The following ZC3H12C variants were observed in gnomAD, a reference collection of about 807,000 sequenced individuals.
ZC3H12C encodes zinc finger CCCH-type containing 12C, also known as probable ribonuclease ZC3H12C.
A neutral mutation model predicts 76.3 loss-of-function variants in ZC3H12C; 20 were observed. The observed-to-expected ratio is 0.26, with a 90% confidence interval of 0.18 to 0.38. The LOEUF (loss-of-function observed/expected upper bound fraction) is 0.38, where lower values mean the gene tolerates loss of function less well. ZC3H12C is among the 10% of genes least tolerant of loss of function. The probability of loss-of-function intolerance (pLI) is 1.00; values close to 1 mark genes in which losing one functional copy is unlikely to be tolerated. For missense variants in ZC3H12C, 874 were observed against 1,086.5 expected (o/e 0.80, Z 2.75); for synonymous variants, 352 against 399.6 (o/e 0.88, Z 1.42).
chr11:110,125,656 G>C (rs1160824559), intron 1 of ZC3H12C, among the ~76,000 whole-genome samples: 1 of 152,090 alleles, frequency 6.6e-6, no homozygotes, highest in Non-Finnish European at 1.5e-5. Context: ...CTGGGTGTCT[G>C]ATGTTCTGTC....
chr11:110,118,664 G>A (rs901996068), intron 1 of ZC3H12C, among the ~76,000 whole-genome samples: 10 of 152,090 alleles, frequency 6.6e-5, no homozygotes, highest in Non-Finnish European at 1.5e-4. Flanking sequence ...GGGCATGGTA[G>A]CACATACCTG....
rs540582337 is a variant in ZC3H12C, at chr11:110,119,733, T to C, written c.22-16930T>C. Among the ~76,000 whole-genome samples the C allele has an allele frequency of 7.9e-5, 12 of 152,324 alleles. No homozygotes were observed. In the South Asian group the frequency reaches 2.5e-3, roughly 32 times the overall value. ...AGGTGCTGGCAGCTTCGATGTCTGG[T>C]GAAGTCCTCTTCCTCATCAGTGGGG... On this transcript the variant is annotated intron_variant, in intron 1 of 5. Transcript: ENST00000278590.
At chr11:110,128,237 G>T (rs1174837060) in intron 1 of ZC3H12C, among the ~76,000 whole-genome samples, 1 of 151,998 alleles carries the variant, frequency 6.6e-6, no homozygotes, top group African/African-American at 2.4e-5. Flanking sequence ...GTGGACTAGG[G>T]CCATGTGACT....
chr11:110,131,532 A>C (rs1178134583), intron 1 of ZC3H12C: 1 of 181,256 alleles, frequency 5.5e-6, no homozygotes, highest in Admixed American at 6.0e-5. Flanking sequence ...TTAAAAGTCT[A>C]GCTTGGGGAG....
chr11:110,110,474 C>G (rs1233270639), intron 1 of ZC3H12C, among the ~76,000 whole-genome samples: 1 of 152,132 alleles, frequency 6.6e-6, no homozygotes, highest in Non-Finnish European at 1.5e-5. Flanking sequence ...TCCACCCTCA[C>G]ACTCAAGATT....
At chr11:110,131,392 T>C in intron 1 of ZC3H12C, 1 of 370,668 alleles carries the variant, frequency 2.7e-6, no homozygotes, top group Non-Finnish European at 4.8e-6. Context: ...CAAGTTATAA[T>C]AAATGTTCCG....
At chr11:110,131,228 C>A in intron 1 of ZC3H12C, 3 of 763,086 alleles carry the variant, frequency 3.9e-6, no homozygotes, top group Non-Finnish European at 6.4e-6. Context: ...TACATAGTGC[C>A]AACATACCAG....
In ZC3H12C at chr11:110,164,207, A is replaced by G; in HGVS notation, c.1256-134A>G. The G allele has an allele frequency of 1.3e-6, 1 of 788,540 alleles. No homozygotes were observed. Among genetic ancestry groups the G allele is most frequent in the East Asian group, 2.7e-5 (1 of 36,738 alleles). 48.8% of individuals were successfully genotyped at this position (788,540 alleles called of 1,614,324 possible). ...CTGAGAAGTGACGTTTCTCAAGAGT[A>G]AAGAACAGAGTGACACTTAGCACAG... On this transcript the variant is annotated intron_variant, in intron 5 of 5. Coordinates refer to ENST00000278590, the MANE Select transcript of ZC3H12C (RefSeq NM_033390.2). The surrounding 1 kb of genome is among the most constrained non-coding windows in gnomAD (Gnocchi z 5.7).
chr11:110,108,041 G>A (rs1394946928), intron 1 of ZC3H12C, among the ~76,000 whole-genome samples: 12 of 151,996 alleles, frequency 7.9e-5, no homozygotes, highest in African/African-American at 2.4e-4. Context: ...TCAACTTCCC[G>A]GGCTCAAGCT....
intron 3 of ZC3H12C, among the ~76,000 whole-genome samples, chr11:110,158,946 G>T (rs1467172176): frequency 1.3e-5 from 2 of 152,214 alleles, no homozygotes; most frequent in Admixed American, 1.3e-4. Flanking sequence ...GTCCATAGTG[G>T]TCGTGTGATG....
In ZC3H12C at chr11:110,164,330, A is replaced by G. The variant is rs1016787966; in HGVS notation, c.1256-11A>G. 1.3e-6 allele frequency: 2 copies of G among 1,581,012 alleles called. No individual in the cohort carries two copies. Among genetic ancestry groups the G allele is most frequent in the Admixed American group, 1.8e-5 (1 of 54,934 alleles). On this transcript the variant is annotated splice_polypyrimidine_tract_variant and intron_variant, in intron 5 of 5. Coordinates refer to ENST00000278590, the MANE Select transcript of ZC3H12C (RefSeq NM_033390.2). This position sits in a 1 kb window ranked among gnomAD's most constrained non-coding sequence, Gnocchi z 5.7. Reference sequence around the variant, plus strand: ...TATGCTCCTTTGCCTAATTAATTTTACTCTTCTTAGGAAAGAAGTGTACCT... The same window carrying G: ...TATGCTCCTTTGCCTAATTAATTTTGCTCTTCTTAGGAAAGAAGTGTACCT...
intron 1 of ZC3H12C, chr11:110,130,870 CT>C: frequency 1.6e-6 from 1 of 633,404 alleles, no homozygotes; most frequent in Non-Finnish European, 2.7e-6. Context: ...ACCTACGAAC[CT>C]GACGCAGGGT....
chr11:110,142,038 G>A (rs1290705028), intron 2 of ZC3H12C, among the ~76,000 whole-genome samples: 1 of 152,138 alleles, frequency 6.6e-6, no homozygotes, highest in East Asian at 1.9e-4. Context: ...CTCTAGGTGA[G>A]TGTCACAGGT....
intron 1 of ZC3H12C, among the ~76,000 whole-genome samples, chr11:110,116,324 G>C (rs961567786): frequency 8.5e-5 from 13 of 152,228 alleles, no homozygotes; most frequent in Admixed American, 6.5e-5. Flanking sequence ...AAAGAGGATA[G>C]GTATGTTTGG....
intron 1 of ZC3H12C, among the ~76,000 whole-genome samples, chr11:110,121,631 A>T (rs1365992025): frequency 6.6e-6 from 1 of 152,020 alleles, no homozygotes; most frequent in East Asian, 1.9e-4. Flanking sequence ...GCACAGCAGC[A>T]CACTTGTCTA....
At chr11:110,148,753 GA>G (rs1862215116) in intron 2 of ZC3H12C, among the ~76,000 whole-genome samples, 1 of 152,226 alleles carries the variant, frequency 6.6e-6, no homozygotes, top group East Asian at 1.9e-4. Context: ...CATCCATGCA[GA>G]TAGCCCATAA....
chr11:110,139,393 G>C (rs1177759387), intron 2 of ZC3H12C, among the ~76,000 whole-genome samples: 1 of 152,172 alleles, frequency 6.6e-6, no homozygotes, highest in Non-Finnish European at 1.5e-5. Flanking sequence ...TAATTGAAGG[G>C]TTTTCAGTAG....
chr11:110,110,836 T>A (rs745361691), intron 1 of ZC3H12C, among the ~76,000 whole-genome samples: 34 of 152,204 alleles, frequency 2.2e-4, no homozygotes, highest in Non-Finnish European at 3.8e-4. Flanking sequence ...TTCTACAAAT[T>A]AGAAAGATAT....
intron 2 of ZC3H12C, among the ~76,000 whole-genome samples, chr11:110,147,377 G>A (rs573495417): frequency 6.6e-6 from 1 of 152,068 alleles, no homozygotes; most frequent in Non-Finnish European, 1.5e-5. Context: ...CTTCCATTGA[G>A]ATGAAAAAAT....
Sources: allele counts gnomAD v4.1 joint callset (sites outside exome capture counted in the v4.1 genomes callset), GRCh38; gene constraint gnomAD v4.1.1; non-coding constraint Gnocchi (gnomAD v3.1); transcripts MANE v1.5; gene names NCBI Gene and HGNC (gene_info 2026-07-23, HGNC 2026-07-21).